Variants in ACCSL observed in about 807,000 individuals in gnomAD.
ACCSL encodes 1-aminocyclopropane-1-carboxylate synthase homolog (inactive) like, also known as probable inactive 1-aminocyclopropane-1-carboxylate synthase-like protein 2.
In ACCSL, 55 loss-of-function variants were observed where a neutral mutation model predicts 61.7. The ratio of observed to expected loss-of-function variants is 0.89; its 90% CI spans 0.72 to 1.12. ACCSL has a LOEUF of 1.12. Ranked by LOEUF, ACCSL falls within the 50% of genes most tolerant of loss-of-function variation. The pLI, the probability that ACCSL is intolerant of heterozygous loss-of-function variation, is 0.00. For synonymous variants in ACCSL, 258 were observed against 264.3 expected, an observed-to-expected ratio of 0.98 and a Z score of 0.23; for missense variants, 632 against 698.0, an observed-to-expected ratio of 0.91 and a Z score of 1.07.
intron 8 of ACCSL, among the ~76,000 whole-genome samples, chr11:44,054,802 T>C (rs1952661412): frequency 6.6e-6 from 1 of 152,138 alleles, no homozygotes; most frequent in African/African-American, 2.4e-5. Context: ...CTGAGGGTTG[T>C]TGGGAGAATG....
the ACCSL span, among the ~76,000 whole-genome samples, chr11:43,930,821 A>G: frequency 6.6e-6 from 1 of 152,222 alleles, no homozygotes; most frequent in Non-Finnish European, 1.5e-5. Context: ...ACACACACAC[A>G]CATGCACACA....
intron 8 of ACCSL, among the ~76,000 whole-genome samples, chr11:44,054,947 TC>T (rs1952662213): frequency 6.6e-6 from 1 of 152,136 alleles, no homozygotes; most frequent in African/African-American, 2.4e-5. Flanking sequence ...CTCATATGTG[TC>T]TTTTGCATCC....
chr11:43,926,561 G>C, the ACCSL span: 1 of 449,484 alleles, frequency 2.2e-6, no homozygotes, highest in Non-Finnish European at 4.5e-6. Flanking sequence ...AGGGATACGT[G>C]AAAGGAAGAC....
chr11:44,057,358 G>C (rs1952677670), intron 11 of ACCSL, among the ~76,000 whole-genome samples: 1 of 152,202 alleles, frequency 6.6e-6, no homozygotes, highest in Admixed American at 6.5e-5. Flanking sequence ...GCTCTGGGAG[G>C]GGAGAGAGGT....
chr11:44,039,319 G>C, the ACCSL span, among the ~76,000 whole-genome samples: 1 of 152,126 alleles, frequency 6.6e-6, no homozygotes, highest in Non-Finnish European at 1.5e-5. Flanking sequence ...CTACCACTCA[G>C]CCATAAAAAA....
chr11:43,953,274 G>T, the ACCSL span, among the ~76,000 whole-genome samples: 1 of 152,086 alleles, frequency 6.6e-6, no homozygotes, highest in Admixed American at 6.5e-5. Flanking sequence ...CAGCACTTTG[G>T]GATGCCAAGG....
chr11:43,964,115 T>C, the ACCSL span, among the ~76,000 whole-genome samples: 79,705 of 151,146 alleles, frequency 0.53, 21,157 homozygotes, highest in East Asian at 0.6. Flanking sequence ...AGTAAAGAGG[T>C]TGAATCAGTA....
chr11:43,982,429 T>C, the ACCSL span, among the ~76,000 whole-genome samples: 5 of 151,954 alleles, frequency 3.3e-5, no homozygotes, highest in African/African-American at 1.2e-4. Context: ...GGTTTCACCA[T>C]GTTGGCCAGG....
the ACCSL span, among the ~76,000 whole-genome samples, chr11:44,020,474 C>T: frequency 1.5e-4 from 23 of 152,090 alleles, no homozygotes; most frequent in Admixed American, 9.2e-4. Context: ...CATAGATGTC[C>T]TTTATTAGAT....
chr11:44,028,358 C>A, the ACCSL span, among the ~76,000 whole-genome samples: 1 of 151,988 alleles, frequency 6.6e-6, no homozygotes, highest in Non-Finnish European at 1.5e-5. Flanking sequence ...CCAGCACTGT[C>A]CAGTAGAATT....
the ACCSL span, among the ~76,000 whole-genome samples, chr11:44,029,094 C>T: frequency 6.6e-6 from 1 of 152,328 alleles, no homozygotes. Flanking sequence ...GCCATTGTGC[C>T]TCTGCAACAG....
chr11:44,055,371 T>C, intron 9 of ACCSL, 80 bp downstream of exon 9: 3 of 1,101,168 alleles, frequency 2.7e-6, no homozygotes, highest in Non-Finnish European at 4.1e-6. Context: ...GACATGAACT[T>C]AACTCAGTTC....
rs767745294 is a variant in ACCSL, at chr11:44,058,538, C to T, written c.1471-8C>T. ...TTGGGCTCAGTTCTGTTCCTCTGCC[C>T]TCCCTAGTACCTGGATCCCTGTACA... On this transcript the variant is annotated splice_polypyrimidine_tract_variant and splice_region_variant and intron_variant, in intron 12 of 13. Transcript: ENST00000378832. 1.2e-6 allele frequency: 2 copies of T among 1,613,810 alleles called. No individual in the cohort carries two copies. Among genetic ancestry groups the T allele is most frequent in the South Asian group, 1.1e-5 (1 of 91,020 alleles).
chr11:44,041,817 TGTAGGAG>T, the ACCSL span, among the ~76,000 whole-genome samples: 1 of 152,220 alleles, frequency 6.6e-6, no homozygotes, highest in Non-Finnish European at 1.5e-5. Context: ...TTCCCAATTG[TGTAGGAG>T]GCTGGCTTTT....
In ACCSL at chr11:44,055,238, GCTGT is replaced by G; in HGVS notation, c.1091_1094del (p.Ser364CysfsTer12). 1 of 1,612,588 alleles carries G rather than the reference GCTGT, an allele frequency of 6.2e-7. No homozygotes were observed. Among genetic ancestry groups the G allele is most frequent in the African/African-American group, 1.3e-5 (1 of 75,018 alleles). ...ATGTGATCATAGATGAGATTTACAT[GCTGT>G]CTGTGTTTGATGAATCCATCACATT... On this transcript the variant is annotated frameshift_variant, in exon 9 of 14. Coordinates refer to ENST00000378832, the MANE Select transcript of ACCSL (RefSeq NM_001031854.2). LOFTEE classifies it high-confidence loss of function.
chr11:44,000,206 C>A, the ACCSL span, among the ~76,000 whole-genome samples: 3 of 152,062 alleles, frequency 2.0e-5, no homozygotes, highest in East Asian at 3.9e-4. Context: ...CTCACTGCAA[C>A]CTCCGCCTCC....
At chr11:44,024,867 G>C in the ACCSL span, among the ~76,000 whole-genome samples, 1 of 151,838 alleles carries the variant, frequency 6.6e-6, no homozygotes, top group Non-Finnish European at 1.5e-5. Flanking sequence ...GGGGCTGTTT[G>C]TTGGGTGCAT....
At chr11:44,025,898 G>A in the ACCSL span, among the ~76,000 whole-genome samples, 8 of 152,186 alleles carry the variant, frequency 5.3e-5, no homozygotes, top group Admixed American at 3.3e-4. Flanking sequence ...AGTTTCTGAT[G>A]AAAAGTCAAC....
the ACCSL span, among the ~76,000 whole-genome samples, chr11:43,971,018 T>C: frequency 6.6e-6 from 1 of 152,158 alleles, no homozygotes; most frequent in Non-Finnish European, 1.5e-5. Context: ...AGATGAGCTA[T>C]TAGATGTTAA....
Sources: gnomAD v4.1 joint callset for allele counts (sites outside exome capture counted in the v4.1 genomes callset) on GRCh38, gnomAD v4.1.1 for gene constraint, MANE v1.5 for transcripts, NCBI Gene and HGNC (gene_info 2026-07-23, HGNC 2026-07-21) for gene names.